PRKAG3: variants seen among roughly 807,000 people sequenced by gnomAD.
The protein encoded by PRKAG3 is protein kinase AMP-activated non-catalytic subunit gamma 3.
In PRKAG3, 39 loss-of-function variants were observed where a neutral mutation model predicts 56.5. That is an observed-to-expected ratio of 0.69 (90% confidence interval 0.53 to 0.90). The LOEUF is 0.90. Ranked by LOEUF, PRKAG3 falls within the 40% of genes least tolerant of loss-of-function variation. PRKAG3 has a pLI of 0.00. For missense variants in PRKAG3, 628 were observed against 627.5 expected (o/e 1.00, Z -0.01); for synonymous variants, 243 against 250.1 (o/e 0.97, Z 0.27).
chr2:218,828,826 G>A (rs1439308632), intron 4 of PRKAG3, among the ~76,000 whole-genome samples: 1 of 152,158 alleles, frequency 6.6e-6, no homozygotes. Flanking sequence ...ACATAGATAA[G>A]GCTGTGGCCT....
rs956440665 is a variant in PRKAG3 at position 218,827,040 on chromosome 2, G to A, written c.1056C>T (p.Gly352=). The change falls in exon 10 of 13, where the codon GGC becomes GGT. Residue 352 remains glycine, a synonymous_variant. Coordinates refer to ENST00000529249, the Ensembl canonical transcript of PRKAG3. The surrounding 1 kb of genome is among the most constrained non-coding windows in gnomAD (Gnocchi z 5.3). The stretch of plus-strand genomic sequence containing the variant: ...CAGCCAAGTCTCGGAATGTGCCGAT[G>A]CCCAAATCTTGGATAGTGCGGTAGA... 1 of 1,614,048 alleles carries A rather than the reference G, an allele frequency of 6.2e-7. No individual in the cohort carries two copies. Among genetic ancestry groups the A allele is most frequent in the Non-Finnish European group, 8.5e-7 (1 of 1,180,040 alleles).
chr2:218,824,163 C>A (rs1054334693), intron 12 of PRKAG3, 59 bp downstream of exon 12: 7 of 1,612,878 alleles, frequency 4.3e-6, no homozygotes, highest in South Asian at 1.1e-5. Context: ...TGGCTGGAGC[C>A]GTGCATGAGA....
In PRKAG3 at chr2:218,827,206, G is replaced by T; in HGVS notation, c.1002+41C>A. 1 of 1,613,928 alleles carries T rather than the reference G, an allele frequency of 6.2e-7. No individual in the cohort carries two copies. Among genetic ancestry groups the T allele is most frequent in the Non-Finnish European group, 8.5e-7 (1 of 1,179,918 alleles). ...GACTCCTCAGGCCCTCTGATCACCT[G>T]CCCAGGTCTCCCCCTTCCTCCCACC... On this transcript the variant is annotated intron_variant, in intron 9 of 12. Coordinates refer to ENST00000529249, the Ensembl canonical transcript of PRKAG3. This position sits in a 1 kb window ranked among gnomAD's most constrained non-coding sequence, Gnocchi z 5.3.
chr2:218,826,815 A>G lies in PRKAG3; in HGVS notation c.1168+113T>C, dbSNP rs968223546. On this transcript the variant is annotated intron_variant, in intron 10 of 12. Coordinates refer to ENST00000529249, the Ensembl canonical transcript of PRKAG3. ...GACGGAGACTTCTAATCCCCAGTCC[A>G]TCCTGTACCCCCCACAGGGATGGCA... 5.6e-6 allele frequency: 8 copies of G among 1,426,512 alleles called. No homozygotes were observed. In the African/African-American group the frequency reaches 9.9e-5, roughly 18 times the overall value. 88.4% of individuals were successfully genotyped at this position (1,426,512 alleles called of 1,614,324 possible).
intron 4 of PRKAG3, among the ~76,000 whole-genome samples, chr2:218,829,496 A>AT (rs796290318): frequency 0.036 from 5,159 of 144,284 alleles, 292 homozygotes; most frequent in African/African-American, 0.12. Flanking sequence ...AATTTTTTGT[A>AT]TTTTTTTTTT....
chr2:218,823,587 G>A, exon 13 of PRKAG3: 1 of 1,410,350 alleles, frequency 7.1e-7, no homozygotes, highest in Non-Finnish European at 9.7e-7. Context: ...GTCCCAATCT[G>A]AGATCCAGGA....
At chr2:218,826,508 G>A in intron 10 of PRKAG3, 1 of 243,750 alleles carries the variant, frequency 4.1e-6, no homozygotes, top group Admixed American at 4.9e-5. Context: ...CCAGGTTGGA[G>A]TGTCACTGTA....
chr2:218,828,677 T>C, intron 4 of PRKAG3, 77 bp from the exon 5 acceptor site: 1 of 1,273,904 alleles, frequency 7.8e-7, no homozygotes, highest in Non-Finnish European at 1.1e-6. Flanking sequence ...AGTGCGCACC[T>C]CCCATCTGCC....
chr2:218,823,558 C>G, exon 13 of PRKAG3: 1 of 1,074,616 alleles, frequency 9.3e-7, no homozygotes, highest in Non-Finnish European at 1.3e-6. Context: ...TTGAGCTTGG[C>G]CACTCCCATC....
At chr2:218,830,528 C>T in intron 3 of PRKAG3, 147 bp from the exon 4 acceptor site, 1 of 1,214,580 alleles carries the variant, frequency 8.2e-7, no homozygotes, top group South Asian at 1.5e-5. Context: ...GAGAGTCGCC[C>T]CAGGTAGTGG....
rs759949383 is a variant in PRKAG3, at chr2:218,827,855, T to C, written c.798A>G (p.Gln266=). The C allele has an allele frequency of 1.2e-6, 2 of 1,614,092 alleles. No individual in the cohort carries two copies. Among genetic ancestry groups the C allele is most frequent in the Middle Eastern group, 1.6e-4 (1 of 6,062 alleles). ...CACCCCTCCAGGTCTCAATCTTATG[T>C]TGTTCAATCTCATAGATCTGGACCT... Residue 266 remains glutamine (Q), a synonymous_variant, in exon 7 of 13, where the codon CAA becomes CAG. Coordinates refer to ENST00000529249, the Ensembl canonical transcript of PRKAG3. This position sits in a 1 kb window ranked among gnomAD's most constrained non-coding sequence, Gnocchi z 5.3.
chr2:218,828,432 G>T, intron 5 of PRKAG3, 87 bp downstream of exon 5: 2 of 1,362,924 alleles, frequency 1.5e-6, no homozygotes, highest in Non-Finnish European at 1.0e-6. Flanking sequence ...CAAGCTTGTG[G>T]TATATCAGAG....
At chr2:218,828,450 C>T in intron 5 of PRKAG3, 69 bp downstream of exon 5, 1 of 1,456,596 alleles carries the variant, frequency 6.9e-7, no homozygotes, top group Non-Finnish European at 9.4e-7. Context: ...GAGATCAGCC[C>T]CAGAACAACC....
chr2:218,827,672 G>T lies in PRKAG3; in HGVS notation c.821-43C>A. ...GTCAGGCCAGGGGAGCCGGTCACCTGCCTCACCTTGCAGTCCCAGGCAGCT... is the reference window on the plus strand; with the variant it reads ...GTCAGGCCAGGGGAGCCGGTCACCTTCCTCACCTTGCAGTCCCAGGCAGCT... On this transcript the variant is annotated intron_variant, in intron 7 of 12. Coordinates refer to ENST00000529249, the Ensembl canonical transcript of PRKAG3. The surrounding 1 kb of genome is among the most constrained non-coding windows in gnomAD (Gnocchi z 5.3). 6.2e-7 allele frequency: 1 copy of T among 1,603,010 alleles called. No homozygotes were observed. The highest frequency in any genetic ancestry group is 1.1e-5 in the South Asian group (1 of 90,800).
At chr2:218,828,411 T>TG in intron 5 of PRKAG3, 108 bp downstream of exon 5, 1 of 1,234,490 alleles carries the variant, frequency 8.1e-7, no homozygotes, top group Middle Eastern at 1.9e-4. Context: ...TGGCTGGGCT[T>TG]GGCCTGAAGC....
exon 4 of PRKAG3, chr2:218,830,139 C>A: frequency 6.2e-7 from 1 of 1,614,056 alleles, no homozygotes; most frequent in Non-Finnish European, 8.5e-7. Context: ...AGGCACAGGG[C>A]AGGCCTCTCT....
At chr2:218,828,859 G>A (rs1414401822) in intron 4 of PRKAG3, among the ~76,000 whole-genome samples, 1 of 152,192 alleles carries the variant, frequency 6.6e-6, no homozygotes, top group Non-Finnish European at 1.5e-5. Context: ...CCCTCACCTG[G>A]CACACCAGGG....
In PRKAG3 at chr2:218,827,621, G is replaced by C; in HGVS notation, c.829C>G (p.Leu277Val). 1 of 1,614,066 alleles carries C rather than the reference G, an allele frequency of 6.2e-7. No individual in the cohort carries two copies. Among genetic ancestry groups the C allele is most frequent in the Non-Finnish European group, 8.5e-7 (1 of 1,179,978 alleles). ...ACCAGAGGCTTGAAGCAGCCTTGCA[G>C]GTAGATCTCTGCAGAAAGAGCCAGA... Residue 277 changes from leucine to valine, a missense_variant, in exon 8 of 13, where the codon CTG (leucine) becomes GTG (valine). By Grantham distance (32) the Leu-to-Val change is conservative (BLOSUM62 1). Coordinates refer to ENST00000529249, the Ensembl canonical transcript of PRKAG3. This position sits in a 1 kb window ranked among gnomAD's most constrained non-coding sequence, Gnocchi z 5.3.
intron 3 of PRKAG3, 130 bp from the exon 4 acceptor site, chr2:218,830,511 C>T (rs1944006198): frequency 1.5e-6 from 2 of 1,307,356 alleles, no homozygotes; most frequent in Non-Finnish European, 2.1e-6. Context: ...AGGTGAGGGG[C>T]TGACCTGAGA....
Sources: gnomAD v4.1 joint callset for allele counts (sites outside exome capture counted in the v4.1 genomes callset) on GRCh38, gnomAD v4.1.1 for gene constraint, Gnocchi (gnomAD v3.1) non-coding constraint, MANE v1.5 for transcripts, NCBI Gene and HGNC (gene_info 2026-07-23, HGNC 2026-07-21) for gene names.